Variants in GAS2 observed in about 807,000 individuals in gnomAD.
GAS2 encodes growth arrest specific 2, also known as growth arrest-specific protein 2.
In GAS2, 20 loss-of-function variants were observed where a neutral mutation model predicts 37.5. The ratio of observed to expected loss-of-function variants is 0.53; its 90% CI spans 0.37 to 0.77. GAS2 has a LOEUF of 0.77. Ranked by LOEUF, GAS2 falls within the 30% of genes least tolerant of loss-of-function variation. GAS2 has a pLI of 0.00. For missense variants in GAS2, 336 were observed against 373.4 expected (o/e 0.90, Z 0.82); for synonymous variants, 144 against 132.2 (o/e 1.09, Z -0.61).
At chr11:22,796,909 C>T (rs147609700) in intron 7 of GAS2, among the ~76,000 whole-genome samples, 6 of 152,178 alleles carry the variant, frequency 3.9e-5, no homozygotes, top group Non-Finnish European at 8.8e-5. Context: ...AGCTTCCCTT[C>T]CTAAATAGGT....
intron 1 of GAS2, among the ~76,000 whole-genome samples, chr11:22,649,253 C>A (rs563996397): frequency 1.3e-5 from 2 of 152,262 alleles, no homozygotes; most frequent in East Asian, 3.9e-4. Flanking sequence ...AGCCTTGCAT[C>A]CCAGAGATGA....
chr11:22,687,149 G>C (rs1223984571), intron 3 of GAS2, among the ~76,000 whole-genome samples: 2 of 151,988 alleles, frequency 1.3e-5, no homozygotes, highest in East Asian at 3.9e-4. Flanking sequence ...ACATGACAAA[G>C]CACCATCTGT....
In GAS2 at chr11:22,755,912, C is replaced by T. The variant is rs1437066829; in HGVS notation, c.682C>T (p.Gln228Ter). 4 of 1,612,712 alleles carry T rather than the reference C, an allele frequency of 2.5e-6. No homozygotes were observed. The highest frequency in any genetic ancestry group is 2.5e-6 in the Non-Finnish European group (3 of 1,179,112). ...CAAGTTCTGTGTGGAGCGGCTCTCC[C>T]AAGGAAGATACCGAGTGGGAGAAAA... is the stretch of plus-strand genomic sequence containing the variant. ...PNKFCVERLS[Q>*]GRYRVGEKIL... The change falls in exon 7 of 8, where the codon CAA becomes TAA. Residue 228 changes from glutamine (Q) to a stop codon, truncating the protein, a stop_gained. Coordinates refer to ENST00000454584, the MANE Select transcript of GAS2 (RefSeq NM_001143830.3). LOFTEE classifies it high-confidence loss of function.
intron 1 of GAS2, chr11:22,626,415 A>C (rs1858653736): frequency 6.4e-6 from 1 of 155,324 alleles, no homozygotes; most frequent in Non-Finnish European, 1.4e-5. Context: ...CAAAGGAACA[A>C]AATTTTACTT....
chr11:22,694,796 T>C (rs1449553820), intron 3 of GAS2, among the ~76,000 whole-genome samples: 1 of 152,178 alleles, frequency 6.6e-6, no homozygotes, highest in Admixed American at 6.6e-5. Context: ...CATCCTGCTC[T>C]CCTCAGACTA....
chr11:22,626,415 A>G (rs1858653736), intron 1 of GAS2: 1 of 155,324 alleles, frequency 6.4e-6, no homozygotes, highest in South Asian at 1.9e-4. Flanking sequence ...CAAAGGAACA[A>G]AATTTTACTT....
intron 6 of GAS2, among the ~76,000 whole-genome samples, chr11:22,749,731 A>T (rs540846947): frequency 6.6e-6 from 1 of 152,026 alleles, no homozygotes; most frequent in Non-Finnish European, 1.5e-5. Flanking sequence ...GAAACATAGA[A>T]ATTGAGTAAC....
At chr11:22,681,737 A>G (rs1415984868) in intron 2 of GAS2, among the ~76,000 whole-genome samples, 1 of 152,146 alleles carries the variant, frequency 6.6e-6, no homozygotes, top group African/African-American at 2.4e-5. Context: ...AGAGATATTT[A>G]CCTTTGTATG....
intron 3 of GAS2, among the ~76,000 whole-genome samples, chr11:22,690,384 T>C (rs373015984): frequency 6.6e-6 from 1 of 152,146 alleles, no homozygotes; most frequent in East Asian, 1.9e-4. Flanking sequence ...CATCAATAGG[T>C]CAATTTAAAA....
chr11:22,642,427 T>A (rs1848640964), intron 1 of GAS2, among the ~76,000 whole-genome samples: 1 of 152,150 alleles, frequency 6.6e-6, no homozygotes, highest in African/African-American at 2.4e-5. Context: ...TTTAGACTGA[T>A]GCCAGTAATT....
intron 1 of GAS2, among the ~76,000 whole-genome samples, chr11:22,656,942 A>G (rs1005011175): frequency 6.6e-6 from 1 of 152,196 alleles, no homozygotes; most frequent in Non-Finnish European, 1.5e-5. Flanking sequence ...GAGATAACAT[A>G]CAGAAATTTC....
At chr11:22,651,609 T>C (rs929511575) in intron 1 of GAS2, among the ~76,000 whole-genome samples, 1 of 152,032 alleles carries the variant, frequency 6.6e-6, no homozygotes, top group African/African-American at 2.4e-5. Flanking sequence ...TTGGAGGCTG[T>C]GCTCATTTCT....
At chr11:22,702,325 A>T (rs2134030804) in intron 3 of GAS2, 1 of 152,310 alleles carries the variant, frequency 6.6e-6, no homozygotes, top group East Asian at 1.9e-4. Context: ...TGTCTAAGAT[A>T]TTGTGCTGAG....
In GAS2 at chr11:22,650,657, CT is replaced by C. The variant is rs1374408645; in HGVS notation, c.-20-24190del. Among the ~76,000 whole-genome samples the C allele has an allele frequency of 3.3e-5, 5 of 151,338 alleles. No homozygotes were observed. The East Asian group carries it at 7.8e-4, about 24-fold the overall frequency. ...TTAGCTCTTCTTGTTGAATTGATCC[CT>C]TTACCATTATGTAATGGCCTTCTTT... On this transcript the variant is annotated intron_variant, in intron 1 of 5. Transcript: ENST00000528582.
chr11:22,679,954 T>A (rs1849603126), intron 2 of GAS2, among the ~76,000 whole-genome samples: 1 of 152,166 alleles, frequency 6.6e-6, no homozygotes, highest in Non-Finnish European at 1.5e-5. Context: ...TAAAAGAAAA[T>A]GCAGTTATTT....
At chr11:22,665,901 C>G (rs142043983), upstream of GAS2, among the ~76,000 whole-genome samples, 3 of 152,334 alleles carry the variant, frequency 2.0e-5, no homozygotes, top group Non-Finnish European at 4.4e-5. Flanking sequence ...ACCTGTACCA[C>G]TGCCATTGTA....
At chr11:22,779,357 C>T (rs1489790810) in intron 7 of GAS2, among the ~76,000 whole-genome samples, 2 of 152,120 alleles carry the variant, frequency 1.3e-5, no homozygotes, top group Non-Finnish European at 2.9e-5. Flanking sequence ...ATTGGTCTTC[C>T]CTTCTTTCAA....
intron 1 of GAS2, among the ~76,000 whole-genome samples, chr11:22,674,551 T>C (rs749707894): frequency 6.6e-6 from 1 of 152,330 alleles, no homozygotes; most frequent in Non-Finnish European, 1.5e-5. Context: ...CGTGTTTCAA[T>C]ATGTGGAATT....
intron 7 of GAS2, among the ~76,000 whole-genome samples, chr11:22,808,272 A>G (rs1856989891): frequency 6.6e-6 from 1 of 152,228 alleles, no homozygotes; most frequent in Non-Finnish European, 1.5e-5. Context: ...CAAAAATACA[A>G]TTATGTCCAT....
Sources: allele counts gnomAD v4.1 joint callset (sites outside exome capture counted in the v4.1 genomes callset), GRCh38; gene constraint gnomAD v4.1.1; transcripts MANE v1.5; gene names NCBI Gene and HGNC (gene_info 2026-07-23, HGNC 2026-07-21).